The following FAM107A variants were observed in gnomAD, a reference collection of about 807,000 sequenced individuals.
The protein encoded by FAM107A is family with sequence similarity 107 member A.
In FAM107A, 19 loss-of-function variants were observed where a neutral mutation model predicts 13.7. The observed-to-expected ratio is 1.38, with a 90% CI of 0.97 to 2.03. The LOEUF (loss-of-function observed/expected upper bound fraction) is 2.03, where lower values mean the gene tolerates loss of function less well. FAM107A is among the 30% of genes most tolerant of loss of function. FAM107A has a pLI of 0.00. For synonymous variants in FAM107A, 82 were observed against 74.5 expected (o/e 1.10, Z -0.52); for missense variants, 203 against 184.4 (o/e 1.10, Z -0.58).
intron 1 of FAM107A, among the ~76,000 whole-genome samples, chr3:58,626,791 G>A (rs879051181): frequency 2.0e-5 from 3 of 152,180 alleles, no homozygotes; most frequent in Admixed American, 1.3e-4. Flanking sequence ...ATAGGACACT[G>A]GTTCTTCCCT....
intron 1 of FAM107A, among the ~76,000 whole-genome samples, chr3:58,585,187 A>G (rs951748969): frequency 6.6e-6 from 1 of 152,208 alleles, no homozygotes; most frequent in African/African-American, 2.4e-5. Flanking sequence ...TTGATAGCTA[A>G]GAGGTGAGGG....
upstream of FAM107A, among the ~76,000 whole-genome samples, chr3:58,588,808 C>T (rs370352026): frequency 1.6e-4 from 25 of 152,060 alleles, 1 homozygote; most frequent in South Asian, 1.7e-3. Flanking sequence ...TACAGGTGCA[C>T]GCAACCGCAA....
intron 1 of FAM107A, among the ~76,000 whole-genome samples, chr3:58,572,465 C>T (rs1228064433): frequency 1.3e-5 from 2 of 152,242 alleles, no homozygotes; most frequent in African/African-American, 2.4e-5. Context: ...CATTTGGGGC[C>T]TAGGGAACAG....
At chr3:58,615,207 C>G (rs1408675349) in intron 1 of FAM107A, among the ~76,000 whole-genome samples, 1 of 152,218 alleles carries the variant, frequency 6.6e-6, no homozygotes, top group Admixed American at 6.5e-5. Context: ...TTTTGGCCAT[C>G]TTCAATATCA....
chr3:58,568,824 C>T (rs1238898704), intron 2 of FAM107A, among the ~76,000 whole-genome samples: 4 of 152,318 alleles, frequency 2.6e-5, no homozygotes, highest in African/African-American at 9.6e-5. Context: ...TTTCCCAGTC[C>T]TCCAAGGGGA....
chr3:58,604,056 G>A lies in FAM107A; in HGVS notation c.-69-14787C>T, dbSNP rs888997445. Among the ~76,000 whole-genome samples the A allele has an allele frequency of 3.3e-5, 5 of 152,056 alleles. No individual in the cohort carries two copies. Among genetic ancestry groups the A allele is most frequent in the Non-Finnish European group, 7.4e-5 (5 of 68,016 alleles). ...CCCCTGCCCCACCAGATGCCCCTCC[G>A]CCTGCTCTCTGAGCTTCACACTAGC... On this transcript the variant is annotated intron_variant, in intron 1 of 3. Transcript: ENST00000465970. The surrounding 1 kb of genome is among the most constrained non-coding windows in gnomAD (Gnocchi z 4.1).
upstream of FAM107A, among the ~76,000 whole-genome samples, chr3:58,580,624 G>A (rs575794844): frequency 4.0e-5 from 6 of 151,720 alleles, no homozygotes; most frequent in African/African-American, 1.4e-4. Flanking sequence ...GTGTTGCCCA[G>A]GCTGGTCTTG....
At chr3:58,627,111 C>A in intron 1 of FAM107A, 1 of 968,310 alleles carries the variant, frequency 1.0e-6, no homozygotes, top group Non-Finnish European at 1.6e-6. Flanking sequence ...GGCCCCCTGT[C>A]CTCTTGCGGC....
In FAM107A at chr3:58,569,856, T is replaced by A. The variant is rs1416672841; in HGVS notation, c.5A>T (p.Tyr2Phe). MYSEIQRERADI... is the reference protein window; with the variant it reads MFSEIQRERADI... ...TGCCCGCTCCCTCTGGATCTCCGAGTACATGGCGGCTGTAGAGATGGGCAG... is the reference window on the plus strand; with the variant it reads ...TGCCCGCTCCCTCTGGATCTCCGAGAACATGGCGGCTGTAGAGATGGGCAG... Residue 2 changes from tyrosine to phenylalanine, a missense_variant, in exon 2 of 4, where the codon TAC becomes TTC. By Grantham distance (22) the Tyr-to-Phe change is conservative. Transcript: ENST00000360997. This position sits in a 1 kb window ranked among gnomAD's most constrained non-coding sequence, Gnocchi z 5.7. 1 of 1,613,706 alleles carries A rather than the reference T, an allele frequency of 6.2e-7. No homozygotes were observed. The highest frequency in any genetic ancestry group is 1.3e-5 in the African/African-American group (1 of 74,886).
At chr3:58,572,017 C>T (rs1288604812) in intron 1 of FAM107A, among the ~76,000 whole-genome samples, 1 of 152,128 alleles carries the variant, frequency 6.6e-6, no homozygotes, top group Admixed American at 6.5e-5. Flanking sequence ...ATAGATAAAG[C>T]CATACACCCA....
chr3:58,581,820 T>C (rs1444996235), upstream of FAM107A, among the ~76,000 whole-genome samples: 1 of 152,240 alleles, frequency 6.6e-6, no homozygotes, highest in Non-Finnish European at 1.5e-5. Context: ...ACTTAGAGTC[T>C]TGTTTCTGAA....
intron 1 of FAM107A, among the ~76,000 whole-genome samples, chr3:58,624,482 C>G (rs1265966819): frequency 6.6e-6 from 1 of 151,252 alleles, no homozygotes; most frequent in Admixed American, 6.6e-5. Flanking sequence ...TCTGCCCACC[C>G]CACAGCTGGA....
At chr3:58,572,256 G>A (rs1298176653) in intron 1 of FAM107A, among the ~76,000 whole-genome samples, 1 of 152,166 alleles carries the variant, frequency 6.6e-6, no homozygotes, top group Non-Finnish European at 1.5e-5. Context: ...AAACAAGTGA[G>A]ATCCCGGCGC....
At chr3:58,573,280 C>A (rs529228356) in intron 1 of FAM107A, among the ~76,000 whole-genome samples, 15 of 152,188 alleles carry the variant, frequency 9.9e-5, no homozygotes, top group Admixed American at 4.6e-4. Flanking sequence ...GCTGGGGACC[C>A]CCAGGACTTA....
At position 58,617,448 on chromosome 3, in the gene FAM107A, C is replaced by T. The variant is rs535382953; in HGVS notation, c.-70+9968G>A. Among the ~76,000 whole-genome samples, 1 of 152,278 alleles carries T rather than the reference C, an allele frequency of 6.6e-6. No individual in the cohort carries two copies. Among genetic ancestry groups the T allele is most frequent in the African/African-American group, 2.4e-5 (1 of 41,566 alleles). On this transcript the variant is annotated intron_variant, in intron 1 of 3. Transcript: ENST00000465970. This position sits in a 1 kb window ranked among gnomAD's most constrained non-coding sequence, Gnocchi z 4.5. The stretch of plus-strand genomic sequence containing the variant: ...GTCACCTAGACCAAGCCAGGCTCTT[C>T]CAGCTTCCCTGTGGCAGCCTCTGTC...
At chr3:58,599,825 C>A (rs2065739028) in intron 1 of FAM107A, among the ~76,000 whole-genome samples, 1 of 143,944 alleles carries the variant, frequency 6.9e-6, no homozygotes, top group Admixed American at 7.2e-5. Context: ...TCAAGTGATT[C>A]TCCTGCACCC....
intron 1 of FAM107A, among the ~76,000 whole-genome samples, chr3:58,618,483 G>A (rs1441672431): frequency 1.3e-5 from 2 of 152,238 alleles, no homozygotes; most frequent in Non-Finnish European, 2.9e-5. Context: ...ATGGAGCCCA[G>A]AGTGGGAGCC....
intron 1 of FAM107A, chr3:58,627,088 C>G (rs2066026098): frequency 7.7e-7 from 1 of 1,303,192 alleles, no homozygotes. Context: ...ACCCAAGGGG[C>G]TCCCGGGGCG....
At chr3:58,571,766 C>T (rs1013348628) in intron 1 of FAM107A, among the ~76,000 whole-genome samples, 1 of 152,246 alleles carries the variant, frequency 6.6e-6, no homozygotes, top group Non-Finnish European at 1.5e-5. Flanking sequence ...TACGCTCTTT[C>T]CTTCCCGTGA....
Sources: allele counts gnomAD v4.1 joint callset (sites outside exome capture counted in the v4.1 genomes callset), GRCh38; gene constraint gnomAD v4.1.1; non-coding constraint Gnocchi (gnomAD v3.1); transcripts MANE v1.5; gene names NCBI Gene and HGNC (gene_info 2026-07-23, HGNC 2026-07-21).